PTPRS: variants seen among roughly 807,000 people sequenced by gnomAD.
The protein encoded by PTPRS is receptor-type tyrosine-protein phosphatase S.
PTPRS carries 63 observed loss-of-function variants against 215.3 expected under a neutral mutation model. The observed-to-expected ratio is 0.29, with a 90% CI of 0.24 to 0.36. PTPRS has a LOEUF of 0.36. Ranked by LOEUF, PTPRS falls within the 10% of genes least tolerant of loss-of-function variation. PTPRS has a pLI of 1.00. For synonymous variants in PTPRS, 1,404 were observed against 1,191.4 expected (o/e 1.18, Z -3.68); for missense variants, 2,258 against 2,825.8 (o/e 0.80, Z 4.56).
intron 7 of PTPRS, among the ~76,000 whole-genome samples, chr19:5,260,091 T>G (rs1038246930): frequency 2.0e-5 from 3 of 151,484 alleles, no homozygotes; most frequent in Non-Finnish European, 4.4e-5. Flanking sequence ...GACCTGAGAG[T>G]GCATGTCTCT....
chr19:5,282,835 C>T (rs1420510735), intron 2 of PTPRS, among the ~76,000 whole-genome samples: 1 of 151,578 alleles, frequency 6.6e-6, no homozygotes, highest in Non-Finnish European at 1.5e-5. Flanking sequence ...CCTTTGGTCA[C>T]ACGGCGTGTG....
In PTPRS at chr19:5,206,617, G is replaced by T; in HGVS notation, c.*157C>A. On this transcript the variant is annotated 3_prime_UTR_variant, in exon 38 of 38. Coordinates refer to ENST00000262963, the MANE Select transcript of PTPRS (RefSeq NM_002850.4). ...GCGGCCGGGGCCGGTGGGGGGGCTC[G>T]AGGGGCTGCGTCGTCCTCGGAAATG... is the stretch of plus-strand genomic sequence containing the variant. 2 of 611,822 alleles carry T rather than the reference G, an allele frequency of 3.3e-6. No individual in the cohort carries two copies. Among genetic ancestry groups the T allele is most frequent in the Non-Finnish European group, 2.8e-6 (1 of 356,486 alleles). 37.9% of individuals were successfully genotyped at this position (611,822 alleles called of 1,614,324 possible). A position where few individuals can be genotyped will look rare whatever the true frequency, so the allele number is the denominator to read the frequency against.
At chr19:5,248,891 G>A (rs76555338) in intron 9 of PTPRS, among the ~76,000 whole-genome samples, 3 of 152,224 alleles carry the variant, frequency 2.0e-5, no homozygotes, top group Admixed American at 1.3e-4. Flanking sequence ...AACCTGACTC[G>A]GGCAGTGCCT....
chr19:5,260,902 T>A, intron 6 of PTPRS, 80 bp from the exon 7 acceptor site: 2 of 1,530,488 alleles, frequency 1.3e-6, no homozygotes, highest in South Asian at 2.3e-5. Context: ...GAAGCTGGGC[T>A]GGGCCGTAAG....
intron 1 of PTPRS, among the ~76,000 whole-genome samples, chr19:5,292,956 G>A (rs1276791865): frequency 2.0e-5 from 3 of 152,056 alleles, no homozygotes; most frequent in Non-Finnish European, 4.4e-5. Flanking sequence ...GGGCCTGAAT[G>A]GGGGGGCGCC....
rs1186250097 is a variant in PTPRS at position 5,287,249 on chromosome 19, T to C, written c.-94-1015A>G. Among the ~76,000 whole-genome samples the C allele has an allele frequency of 6.6e-6, 1 of 152,182 alleles. No individual in the cohort carries two copies. The highest frequency in any genetic ancestry group is 2.4e-5 in the African/African-American group (1 of 41,448). On this transcript the variant is annotated intron_variant, in intron 1 of 37. Coordinates refer to ENST00000262963, the MANE Select transcript of PTPRS (RefSeq NM_002850.4). This position sits in a 1 kb window ranked among gnomAD's most constrained non-coding sequence, Gnocchi z 4.8. ...TAGCTGTCACTTCCTCAGGAAACCC[T>C]TCTCTGCCCCTCAAAGGTCAATTCC...
At chr19:5,307,298 A>G (rs1481538833) in intron 1 of PTPRS, among the ~76,000 whole-genome samples, 1 of 151,976 alleles carries the variant, frequency 6.6e-6, no homozygotes, top group African/African-American at 2.4e-5. Flanking sequence ...ATAAAAGCGA[A>G]ACTCCATTTC....
chr19:5,209,178 G>T (rs556336954), intron 35 of PTPRS, among the ~76,000 whole-genome samples: 14 of 152,200 alleles, frequency 9.2e-5, no homozygotes, highest in Admixed American at 9.2e-4. Flanking sequence ...TTCAGTGATG[G>T]CATCTTCCAC....
chr19:5,235,182 C>T (rs1056001596), intron 13 of PTPRS, among the ~76,000 whole-genome samples: 5 of 152,034 alleles, frequency 3.3e-5, no homozygotes, highest in Admixed American at 3.3e-4. Context: ...CCTCGTGATC[C>T]GCCCACCTCG....
Position 5,210,819 on chromosome 19 carries a change from G to A in PTPRS, c.5235-14C>T. ...GCCTTCTGCTGCCTGCAGGCGTTGG[G>A]GGTATGAGCCCAGGGCCGGCAGGGA... is the stretch of plus-strand genomic sequence containing the variant. On this transcript the variant is annotated splice_polypyrimidine_tract_variant and intron_variant, in intron 33 of 37. Coordinates refer to ENST00000262963, the MANE Select transcript of PTPRS (RefSeq NM_002850.4). This position sits in a 1 kb window ranked among gnomAD's most constrained non-coding sequence, Gnocchi z 4.5. 6.2e-7 allele frequency: 1 copy of A among 1,612,290 alleles called. No individual in the cohort carries two copies. The highest frequency in any genetic ancestry group is 1.7e-5 in the Admixed American group (1 of 59,992).
At position 5,229,661 on chromosome 19, in the gene PTPRS, C is replaced by T. The variant is rs960841066; in HGVS notation, c.2179G>A (p.Val727Met). The T allele has an allele frequency of 1.0e-5, 13 of 1,280,194 alleles. No individual in the cohort carries two copies. Among genetic ancestry groups the T allele is most frequent in the Non-Finnish European group, 1.3e-5 (13 of 1,018,776 alleles). The allele number at this position is 1,280,194 out of a possible 1,614,324, so 79.3% of individuals were successfully genotyped here. A position where few individuals can be genotyped will look rare whatever the true frequency, so the allele number is the denominator to read the frequency against. The stretch of plus-strand genomic sequence containing the variant: ...GTGGCGTTGAGCGCCTCCGCCTCCA[C>T]CTTCCGCGGCGGCGCGCTGGGCACT... ...EDVPSAPPRKVEAEALNATAI... is the reference protein window; with the variant it reads ...EDVPSAPPRKMEAEALNATAI... Residue 727 changes from valine (V) to methionine (M), a missense_variant, in exon 15 of 38, where the codon GTG (valine) becomes ATG (methionine). Around this residue, in one of 6 missense-constraint regions of PTPRS, gnomAD observed 371 missense variants for 446.7 expected, o/e 0.83. Coordinates refer to ENST00000262963, the MANE Select transcript of PTPRS (RefSeq NM_002850.4).
chr19:5,228,036 AC>A (rs2042659202), intron 16 of PTPRS, among the ~76,000 whole-genome samples: 1 of 151,994 alleles, frequency 6.6e-6, no homozygotes, highest in Non-Finnish European at 1.5e-5. Context: ...AGGGTCTCCT[AC>A]CCCTGAGCCT....
rs755196138 is a variant in PTPRS, at chr19:5,208,036, G to A, written c.5664C>T (p.Gly1888=). 10 of 1,613,210 alleles carry A rather than the reference G, an allele frequency of 6.2e-6. No homozygotes were observed. The highest frequency in any genetic ancestry group is 1.3e-5 in the African/African-American group (1 of 75,052). ...VHCSAGVGRT[G]VFITLSIVLE... Reference sequence around the variant, plus strand: ...GCACGATGCTAAGCGTGATGAAGACGCCCGTCCTGCCCACGCCGGCACTGG... The same window carrying A: ...GCACGATGCTAAGCGTGATGAAGACACCCGTCCTGCCCACGCCGGCACTGG... The change falls in exon 37 of 38, where the codon GGC becomes GGT. Residue 1888 remains glycine, a synonymous_variant. Transcript: ENST00000262963.
In PTPRS at chr19:5,214,156, G is replaced by C. The variant is rs1479289025; in HGVS notation, c.4614+205C>G. On this transcript the variant is annotated intron_variant, in intron 30 of 37. Transcript: ENST00000262963. ...GCTCTGCCGGCTTTGTTCTCCTGCC[G>C]TGGGTGGAAACAAGCAGTGTCCTCT... 2.0e-5 allele frequency among the ~76,000 whole-genome samples: 3 copies of C among 152,232 alleles called. No homozygotes were observed. In the East Asian group the frequency reaches 5.8e-4, roughly 29 times the overall value.
chr19:5,289,729 G>A (rs928387101), intron 1 of PTPRS, among the ~76,000 whole-genome samples: 2 of 152,252 alleles, frequency 1.3e-5, no homozygotes, highest in African/African-American at 4.8e-5. Context: ...AAAGGTGAAT[G>A]GGAATTGGGG....
Position 5,237,635 on chromosome 19 carries a change from CG to C in PTPRS, c.1849+1283del, listed in dbSNP as rs914834304. ...TTCAGCCCAGAGTGGCTGGGGCAGGCGGGGGGGCACGCGGGGTGGGCCGTTT... is the reference window on the plus strand; with the variant it reads ...TTCAGCCCAGAGTGGCTGGGGCAGGCGGGGGGCACGCGGGGTGGGCCGTTT... On this transcript the variant is annotated intron_variant, in intron 13 of 37. Transcript: ENST00000262963. This position sits in a 1 kb window ranked among gnomAD's most constrained non-coding sequence, Gnocchi z 4.2. Among the ~76,000 whole-genome samples, 2 of 151,904 alleles carry C rather than the reference CG, an allele frequency of 1.3e-5. No individual in the cohort carries two copies. Among genetic ancestry groups the C allele is most frequent in the East Asian group, 1.9e-4 (1 of 5,168 alleles).
intron 1 of PTPRS, among the ~76,000 whole-genome samples, chr19:5,303,543 C>G (rs928421020): frequency 6.6e-6 from 1 of 151,968 alleles, no homozygotes; most frequent in African/African-American, 2.4e-5. Context: ...CGTGTAAAGG[C>G]CCCGAGGTGG....
Position 5,273,473 on chromosome 19 carries a change from G to C in PTPRS, c.348C>G (p.Ile116Met), listed in dbSNP as rs1599859644. The change falls in exon 4 of 38, where the codon ATC (isoleucine) becomes ATG (methionine). Residue 116 changes from isoleucine to methionine, a missense_variant. Transcript: ENST00000262963. ...GGACAGTAAGCTTGGCATGGACTGT[G>C]ATCTCCCCAACCGAGTTCTGGGCCA... ...ECVAQNSVGEITVHAKLTVLR... is the reference protein window; with the variant it reads ...ECVAQNSVGEMTVHAKLTVLR... 1.2e-6 allele frequency: 2 copies of C among 1,614,110 alleles called. No individual in the cohort carries two copies. Among genetic ancestry groups the C allele is most frequent in the Non-Finnish European group, 1.7e-6 (2 of 1,180,060 alleles).
Position 5,257,968 on chromosome 19 carries a change from A to G in PTPRS, c.706+49T>C. 1 of 1,437,640 alleles carries G rather than the reference A, an allele frequency of 7.0e-7. No homozygotes were observed. Among genetic ancestry groups the G allele is most frequent in the Non-Finnish European group, 9.5e-7 (1 of 1,049,374 alleles). The allele number at this position is 1,437,640 out of a possible 1,614,324, so 89.1% of individuals were successfully genotyped here. A position where few individuals can be genotyped will look rare whatever the true frequency, so the allele number is the denominator to read the frequency against. ...GCGGTGAGCCCGAGGAGGGAGGGGG[A>G]TGGGACGGGGCGGGTCCCTGCCTTT... On this transcript the variant is annotated intron_variant, in intron 8 of 37. Coordinates refer to ENST00000262963, the MANE Select transcript of PTPRS (RefSeq NM_002850.4). This position sits in a 1 kb window ranked among gnomAD's most constrained non-coding sequence, Gnocchi z 4.4.
Sources: allele counts gnomAD v4.1 joint callset (sites outside exome capture counted in the v4.1 genomes callset), GRCh38; gene constraint gnomAD v4.1.1; regional missense constraint gnomAD v4.1.1; non-coding constraint Gnocchi (gnomAD v3.1); transcripts MANE v1.5; gene names NCBI Gene and HGNC (gene_info 2026-07-23, HGNC 2026-07-21).